Variants in RHBDD1 observed in about 807,000 individuals in gnomAD.
RHBDD1 encodes the protein rhomboid domain containing 1.
A neutral mutation model predicts 36.3 loss-of-function variants in RHBDD1; 38 were observed. That is an observed-to-expected ratio of 1.05 (90% CI 0.81 to 1.37). The LOEUF (loss-of-function observed/expected upper bound fraction) is 1.37. Ranked by LOEUF, RHBDD1 falls within the 40% of genes most tolerant of loss-of-function variation. The pLI, the probability that RHBDD1 is intolerant of heterozygous loss-of-function variation, is 0.00. For synonymous variants in RHBDD1, 151 were observed against 136.5 expected, an observed-to-expected ratio of 1.11 and a Z score of -0.74; for missense variants, 393 against 377.6, an observed-to-expected ratio of 1.04 and a Z score of -0.34.
At chr2:226,802,185 C>A in the RHBDD1 span, among the ~76,000 whole-genome samples, 2 of 152,076 alleles carry the variant, frequency 1.3e-5, no homozygotes, top group Admixed American at 6.6e-5. Flanking sequence ...GATAATAAAC[C>A]TTTTAAAAAA....
intron 8 of RHBDD1, among the ~76,000 whole-genome samples, chr2:226,946,780 A>G (rs1951019991): frequency 6.6e-6 from 1 of 152,212 alleles, no homozygotes; most frequent in Admixed American, 6.5e-5. Flanking sequence ...ATACCCTCCC[A>G]AGACTAAATC....
At chr2:226,945,706 G>C (rs1331737779) in intron 8 of RHBDD1, among the ~76,000 whole-genome samples, 1 of 151,974 alleles carries the variant, frequency 6.6e-6, no homozygotes, top group Non-Finnish European at 1.5e-5. Flanking sequence ...TGGTATTTCT[G>C]GTTCTAGATC....
chr2:226,995,291 G>GA lies in RHBDD1; in HGVS notation c.857-135dup, dbSNP rs995206771. On this transcript the variant is annotated intron_variant, in intron 8 of 8. Transcript: ENST00000392062. ...AAATTTAGTACTGACAGCTGAAGTT[G>GA]AAAAATCTTTGTTATATTTCTGTTT... 8 of 651,596 alleles carry GA rather than the reference G, an allele frequency of 1.2e-5. No homozygotes were observed. The Admixed American group carries it at 1.8e-4, about 14-fold the overall frequency. 40.4% of individuals were successfully genotyped at this position (651,596 alleles called of 1,614,324 possible).
At position 226,851,370 on chromosome 2, in the gene RHBDD1, G is replaced by A. The variant is rs193279333; in HGVS notation, c.-91+11743G>A. 2.1e-3 allele frequency among the ~76,000 whole-genome samples: 315 copies of A among 152,034 alleles called. 1 individual carries two copies. Among genetic ancestry groups the A allele is most frequent in the African/African-American group, 7.4e-3 (307 of 41,492 alleles). ...ACTAGAATTAGAGTTCCTGAGCTCC[G>A]TGTGCAGCAGAGCAACTTGATGATC... On this transcript the variant is annotated intron_variant, in intron 3 of 8. Transcript: ENST00000392062.
At chr2:226,856,028 A>G (rs373085507) in intron 3 of RHBDD1, among the ~76,000 whole-genome samples, 7 of 152,178 alleles carry the variant, frequency 4.6e-5, no homozygotes, top group African/African-American at 1.7e-4. Context: ...TTTATGTGCA[A>G]CTAGTCATCA....
At chr2:226,982,112 A>G (rs1229890251) in intron 8 of RHBDD1, among the ~76,000 whole-genome samples, 1 of 152,224 alleles carries the variant, frequency 6.6e-6, no homozygotes, top group Non-Finnish European at 1.5e-5. Context: ...CAGCAAGCAC[A>G]CATCTGGCCA....
chr2:226,965,108 G>T (rs1052301665), intron 8 of RHBDD1, among the ~76,000 whole-genome samples: 8 of 152,078 alleles, frequency 5.3e-5, no homozygotes, highest in African/African-American at 1.4e-4. Context: ...TTAAGGTAAG[G>T]ATCTCAAGAT....
chr2:226,976,008 C>G (rs913957174), intron 8 of RHBDD1, among the ~76,000 whole-genome samples: 3 of 151,756 alleles, frequency 2.0e-5, no homozygotes, highest in African/African-American at 7.3e-5. Flanking sequence ...TCTCCTGCCC[C>G]CATTAGCATA....
intron 3 of RHBDD1, among the ~76,000 whole-genome samples, chr2:226,847,942 A>G (rs932760850): frequency 6.6e-6 from 1 of 152,234 alleles, no homozygotes; most frequent in Non-Finnish European, 1.5e-5. Flanking sequence ...CCAATCCCCT[A>G]AAGTCCTCCC....
At chr2:226,821,501 T>C in the RHBDD1 span, among the ~76,000 whole-genome samples, 1 of 151,966 alleles carries the variant, frequency 6.6e-6, no homozygotes. Context: ...TGTGTTTAAG[T>C]TTTGCTCTAA....
chr2:226,987,902 G>C (rs1212627153), intron 8 of RHBDD1, among the ~76,000 whole-genome samples: 1 of 152,184 alleles, frequency 6.6e-6, no homozygotes, highest in Non-Finnish European at 1.5e-5. Context: ...TTTTGAACAG[G>C]TTCTTCATTT....
At chr2:226,934,234 T>G (rs1291114723) in intron 8 of RHBDD1, among the ~76,000 whole-genome samples, 1 of 152,168 alleles carries the variant, frequency 6.6e-6, no homozygotes, top group Non-Finnish European at 1.5e-5. Flanking sequence ...CTTATGGTAT[T>G]CACCACAGAA....
chr2:226,918,357 A>G (rs1949065561), intron 8 of RHBDD1, among the ~76,000 whole-genome samples: 1 of 151,968 alleles, frequency 6.6e-6, no homozygotes. Flanking sequence ...GTTATTTTTA[A>G]ATGTACAAAA....
chr2:226,848,492 A>T (rs1942459519), intron 3 of RHBDD1, among the ~76,000 whole-genome samples: 1 of 152,196 alleles, frequency 6.6e-6, no homozygotes, highest in Non-Finnish European at 1.5e-5. Context: ...AGATACTGGA[A>T]GTCATTGTCA....
chr2:226,878,978 C>T (rs1945475995), intron 5 of RHBDD1, among the ~76,000 whole-genome samples: 1 of 144,686 alleles, frequency 6.9e-6, no homozygotes, highest in African/African-American at 2.6e-5. Flanking sequence ...CAGCACCCAT[C>T]AAGTAAGAGA....
At chr2:226,904,328 A>G (rs181094728) in intron 5 of RHBDD1, among the ~76,000 whole-genome samples, 83 of 146,402 alleles carry the variant, frequency 5.7e-4, no homozygotes, top group African/African-American at 2.1e-3. Flanking sequence ...GCACCTGCCC[A>G]TCTGTGTGCT....
Position 226,884,186 on chromosome 2 carries a change from A to C in RHBDD1, c.566+16868A>C, listed in dbSNP as rs13417218. 6.3e-3 allele frequency among the ~76,000 whole-genome samples: 953 copies of C among 152,198 alleles called. 7 individuals carry two copies. Among genetic ancestry groups the C allele is most frequent in the African/African-American group, 0.022 (916 of 41,528 alleles). On this transcript the variant is annotated intron_variant, in intron 5 of 8. Transcript: ENST00000392062. ...AATAGAGAGTTCTTTTTATTTGCTA[A>C]TTTCCCTTTCCTCTTCTGCTTGTGC...
Position 226,888,203 on chromosome 2 carries a change from T to C in RHBDD1, c.567-18590T>C, listed in dbSNP as rs1946388588. 2.0e-5 allele frequency among the ~76,000 whole-genome samples: 3 copies of C among 152,208 alleles called. No homozygotes were observed. In the South Asian group the frequency reaches 6.2e-4, roughly 32 times the overall value. ...GGAATATTTAAACTTCCCTCCCTAA[T>C]TACACTGAGGAATTTTCCCTCAAAA... On this transcript the variant is annotated intron_variant, in intron 5 of 8. Transcript: ENST00000392062.
At position 226,867,235 on chromosome 2, in the gene RHBDD1, C is replaced by CG. The variant is rs1021606950; in HGVS notation, c.483_484insG (p.Phe162ValfsTer74). 6.2e-7 allele frequency: 1 copy of CG among 1,613,220 alleles called. No individual in the cohort carries two copies. Among genetic ancestry groups the CG allele is most frequent in the Non-Finnish European group, 8.5e-7 (1 of 1,179,560 alleles). ...TTAACAACCATTATTGCCCTGGAGGCTTTGTCAACATTTTGGGCTTTCCTG... is the reference window on the plus strand; with the variant it reads ...TTAACAACCATTATTGCCCTGGAGGCGTTTGTCAACATTTTGGGCTTTCCTG... On this transcript the variant is annotated frameshift_variant, in exon 5 of 9. Coordinates refer to ENST00000392062, the MANE Select transcript of RHBDD1 (RefSeq NM_001167608.3). LOFTEE classifies it high-confidence loss of function.
Sources: allele counts gnomAD v4.1 joint callset (sites outside exome capture counted in the v4.1 genomes callset), GRCh38; gene constraint gnomAD v4.1.1; transcripts MANE v1.5; gene names NCBI Gene and HGNC (gene_info 2026-07-23, HGNC 2026-07-21).